VEGFD: variants seen among roughly 807,000 people sequenced by gnomAD.
The protein encoded by VEGFD is vascular endothelial growth factor D, also known as c-fos induced growth factor (vascular endothelial growth factor D).
Under a neutral mutation model 28.0 loss-of-function variants are expected in VEGFD, and 26 were observed. That is an observed-to-expected ratio of 0.93 (90% CI 0.68 to 1.29). The LOEUF (loss-of-function observed/expected upper bound fraction) is 1.29. Among genes scored for constraint, VEGFD ranks in the 50% most tolerant of loss-of-function variants. The pLI is 0.00. For synonymous variants in VEGFD, 93 were observed against 95.5 expected (o/e 0.97, Z 0.15); for missense variants, 294 against 273.4 (o/e 1.08, Z -0.53).
At chrX:15,349,114 G>A (rs1922623405) in intron 5 of VEGFD, among the ~76,000 whole-genome samples, 1 of 112,952 alleles carries the variant, frequency 8.9e-6, no homozygotes, top group African/African-American at 3.2e-5. Flanking sequence ...GAGGGAAAAT[G>A]TGAGCTCTGT....
At position 15,346,155 on chromosome X, in the gene VEGFD, G is replaced by T. The variant is rs755999559; in HGVS notation, c.1043C>A (p.Pro348His). 2.5e-6 allele frequency: 3 copies of T among 1,210,863 alleles called. No individual in the cohort carries two copies. The highest frequency in any genetic ancestry group is 5.9e-5 in the East Asian group (2 of 33,839). ...FPKEKRAAQG[P>H]HSRKNP Reference sequence around the variant, plus strand: ...GAATCAAGGATTCTTTCGGCTGTGGGGCCCCTGGGCAGCCCTTTTCTCCTT... The same window carrying T: ...GAATCAAGGATTCTTTCGGCTGTGGTGCCCCTGGGCAGCCCTTTTCTCCTT... The change falls in exon 7 of 7, where the codon CCC (proline) becomes CAC (histidine). Residue 348 changes from proline to histidine, a missense_variant. Transcript: ENST00000297904.
chrX:15,371,696 G>T (rs1481413598), intron 1 of VEGFD, among the ~76,000 whole-genome samples: 2 of 112,029 alleles, frequency 1.8e-5, no homozygotes, highest in Admixed American at 1.9e-4. Flanking sequence ...TGGTATTACA[G>T]GAGGGAAAAG....
At chrX:15,371,866 A>G (rs1602229866) in intron 1 of VEGFD, among the ~76,000 whole-genome samples, 1 of 112,358 alleles carries the variant, frequency 8.9e-6, no homozygotes, top group Non-Finnish European at 1.9e-5. Context: ...TTCTTAAAGC[A>G]TCAGTGAAAT....
intron 5 of VEGFD, among the ~76,000 whole-genome samples, chrX:15,352,811 T>A (rs1280681279): frequency 8.9e-6 from 1 of 111,784 alleles, no homozygotes; most frequent in Non-Finnish European, 1.9e-5. Context: ...GTACAGAGGG[T>A]TCTGGAATCT....
intron 1 of VEGFD, among the ~76,000 whole-genome samples, chrX:15,369,803 A>G (rs754117157): frequency 8.9e-6 from 1 of 111,857 alleles, no homozygotes; most frequent in Non-Finnish European, 1.9e-5. Flanking sequence ...ATTTTATAGT[A>G]TGTAAATTCT....
rs1923506695 is a variant in VEGFD at position 15,379,147 on chromosome X, C to A, written c.90+4710G>T. ...TCCCCCTACTTGATTTTCTTCATAG[C>A]ATTTATCACACCTGACATGTTACAC... On this transcript the variant is annotated intron_variant, in intron 1 of 6. Coordinates refer to ENST00000297904, the MANE Select transcript of VEGFD (RefSeq NM_004469.5). Among the ~76,000 whole-genome samples the A allele has an allele frequency of 2.7e-5, 3 of 111,739 alleles. No homozygotes were observed. The South Asian group carries it at 1.1e-3, about 42-fold the overall frequency.
intron 1 of VEGFD, among the ~76,000 whole-genome samples, chrX:15,373,739 G>A (rs914375337): frequency 9.0e-6 from 1 of 111,487 alleles, no homozygotes; most frequent in African/African-American, 3.3e-5. Flanking sequence ...GGTGGATTCG[G>A]TTGCAATACA....
rs1468419722 is a variant in VEGFD, at chrX:15,345,678, T to A, written c.*455A>T. On this transcript the variant is annotated 3_prime_UTR_variant, in exon 7 of 7. Coordinates refer to ENST00000297904, the MANE Select transcript of VEGFD (RefSeq NM_004469.5). ...GGTAGTTCATTAAACTGGAAGACTA[T>A]AAGCTGGACAGTAATCAGAAAGTCA... 1 of 114,703 alleles carries A rather than the reference T, an allele frequency of 8.7e-6. No individual in the cohort carries two copies. Among genetic ancestry groups the A allele is most frequent in the Admixed American group, 9.1e-5 (1 of 10,975 alleles). The allele number at this position is 114,703 out of a possible 1,213,427, so 9.5% of individuals were successfully genotyped here.
intron 1 of VEGFD, among the ~76,000 whole-genome samples, chrX:15,380,828 C>T (rs1923552200): frequency 1.8e-5 from 2 of 112,740 alleles, no homozygotes; most frequent in Admixed American, 1.9e-4. Flanking sequence ...CTGTCACATA[C>T]AGATATGTCT....
In VEGFD at chrX:15,383,845, G is replaced by T; in HGVS notation, c.90+12C>A. 8.5e-7 allele frequency: 1 copy of T among 1,182,052 alleles called. No homozygotes were observed. Among genetic ancestry groups the T allele is most frequent in the Non-Finnish European group, 1.2e-6 (1 of 868,928 alleles). On this transcript the variant is annotated intron_variant, in intron 1 of 6. Coordinates refer to ENST00000297904, the MANE Select transcript of VEGFD (RefSeq NM_004469.5). ...AAAGAACTTCATCACATTAAAAATT[G>T]AGCTCACCTACCTTCACTGGTCCAT...
intron 1 of VEGFD, among the ~76,000 whole-genome samples, chrX:15,379,904 TAA>T (rs1280194260): frequency 6.2e-5 from 7 of 112,090 alleles, no homozygotes; most frequent in African/African-American, 2.3e-4. Flanking sequence ...TGTTAAGAAA[TAA>T]GTCATACAAG....
chrX:15,376,663 T>C (rs183082110), intron 1 of VEGFD, among the ~76,000 whole-genome samples: 261 of 111,759 alleles, frequency 2.3e-3, no homozygotes, highest in Non-Finnish European at 3.4e-3. Flanking sequence ...AAAATCCACT[T>C]ATCTCCTCTT....
intron 5 of VEGFD, among the ~76,000 whole-genome samples, chrX:15,351,111 C>T (rs867210007): frequency 4.0e-4 from 20 of 50,004 alleles, no homozygotes; most frequent in African/African-American, 7.5e-4. Flanking sequence ...GGCTGGTTTT[C>T]TTTTTTTTTT....
chrX:15,360,294 T>G (rs1444031648), intron 2 of VEGFD, among the ~76,000 whole-genome samples: 1 of 109,303 alleles, frequency 9.1e-6, no homozygotes, highest in Non-Finnish European at 1.9e-5. Flanking sequence ...CTAAACTTTG[T>G]TTTTTTTTAT....
chrX:15,355,055 G>T, intron 4 of VEGFD, 95 bp downstream of exon 4: 1 of 760,976 alleles, frequency 1.3e-6, no homozygotes, highest in South Asian at 4.1e-5. Flanking sequence ...AAGATAAATT[G>T]ATAACTCTAC....
At chrX:15,348,620 C>T (rs1022862106) in intron 5 of VEGFD, among the ~76,000 whole-genome samples, 2 of 112,457 alleles carry the variant, frequency 1.8e-5, no homozygotes, top group African/African-American at 3.2e-5. Flanking sequence ...GCCTCCCAGT[C>T]CCATGCCTTT....
At chrX:15,380,726 C>T (rs1923549649) in intron 1 of VEGFD, among the ~76,000 whole-genome samples, 1 of 112,829 alleles carries the variant, frequency 8.9e-6, no homozygotes, top group Admixed American at 9.3e-5. Flanking sequence ...AGAAATAGTG[C>T]TGGCCAGAAG....
rs781296967 is a variant in VEGFD at position 15,347,205 on chromosome X, G to C, written c.897C>G (p.Thr299=). 2.7e-5 allele frequency: 33 copies of C among 1,209,310 alleles called. No homozygotes were observed. The highest frequency in any genetic ancestry group is 3.2e-5 in the Non-Finnish European group (29 of 894,831). ...SCFECKESLE[T]CCQKHKLFHP... is the part of the protein sequence containing the mutation. ...GAAATAGCTTGTGCTTCTGGCAGCA[G>C]GTCTCCAGACTTTCTTTGCACTCAA... The change falls in exon 6 of 7, where the codon ACC becomes ACG. Residue 299 remains threonine, a synonymous_variant. Coordinates refer to ENST00000297904, the MANE Select transcript of VEGFD (RefSeq NM_004469.5).
At chrX:15,350,567 C>T (rs1366661153) in intron 5 of VEGFD, among the ~76,000 whole-genome samples, 2 of 112,432 alleles carry the variant, frequency 1.8e-5, no homozygotes, top group African/African-American at 6.5e-5. Context: ...GCGCTGTGGT[C>T]TGCTGCCTCT....
Sources: allele counts gnomAD v4.1 joint callset (sites outside exome capture counted in the v4.1 genomes callset), GRCh38; gene constraint gnomAD v4.1.1; transcripts MANE v1.5; gene names NCBI Gene and HGNC (gene_info 2026-07-23, HGNC 2026-07-21).